The following DCDC1 variants were observed in gnomAD, a reference collection of about 807,000 sequenced individuals.
DCDC1 encodes the protein doublecortin domain-containing protein 1.
Under a neutral mutation model 178.3 loss-of-function variants are expected in DCDC1, and 200 were observed. The ratio of observed to expected loss-of-function variants is 1.12; its 90% CI spans 1.00 to 1.26. DCDC1 has a LOEUF of 1.26. Ranked by LOEUF, DCDC1 falls within the 50% of genes most tolerant of loss-of-function variation. The pLI is 0.00. For missense variants in DCDC1, 1,983 were observed against 1,749.2 expected, an observed-to-expected ratio of 1.13 and a Z score of -2.38; for synonymous variants, 690 against 604.8, an observed-to-expected ratio of 1.14 and a Z score of -2.07.
intron 9 of DCDC1, among the ~76,000 whole-genome samples, chr11:31,157,236 A>T (rs1306178834): frequency 1.3e-5 from 2 of 150,966 alleles, no homozygotes; most frequent in Non-Finnish European, 3.0e-5. Context: ...AAAAAAAATT[A>T]AAAAATGAGC....
intron 16 of DCDC1, among the ~76,000 whole-genome samples, chr11:31,091,944 T>C (rs1957846842): frequency 6.6e-6 from 1 of 152,222 alleles, no homozygotes; most frequent in South Asian, 2.1e-4. Context: ...ACTCTGGGTC[T>C]AAATATCATG....
intron 2 of DCDC1, among the ~76,000 whole-genome samples, chr11:31,329,647 G>A (rs954111629): frequency 2.0e-5 from 3 of 152,130 alleles, no homozygotes; most frequent in Non-Finnish European, 4.4e-5. Context: ...AGAAAATGCT[G>A]TGTCTGGTTT....
chr11:30,898,105 A>G (rs1358079490), intron 34 of DCDC1, among the ~76,000 whole-genome samples: 1 of 152,190 alleles, frequency 6.6e-6, no homozygotes, highest in Non-Finnish European at 1.5e-5. Flanking sequence ...GCTAAAATGT[A>G]TGAAGTGTAG....
chr11:31,093,962 A>C (rs1344035171), intron 16 of DCDC1, 88 bp downstream of exon 16: 1 of 705,516 alleles, frequency 1.4e-6, no homozygotes, highest in Non-Finnish European at 2.6e-6. Context: ...TTGTATGCCC[A>C]TGTGCATGAG....
At chr11:31,005,352 G>A (rs1951780352) in intron 20 of DCDC1, among the ~76,000 whole-genome samples, 1 of 152,118 alleles carries the variant, frequency 6.6e-6, no homozygotes. Context: ...TATGTTGCTT[G>A]CTAGATCACT....
chr11:31,046,749 C>G (rs1237251504), intron 20 of DCDC1, among the ~76,000 whole-genome samples: 1 of 151,750 alleles, frequency 6.6e-6, no homozygotes. Context: ...GATATATGAG[C>G]TCACTTAAAT....
chr11:31,265,788 TA>T (rs934544371), intron 7 of DCDC1, among the ~76,000 whole-genome samples, 188 bp from the exon 8 acceptor site: 3 of 150,746 alleles, frequency 2.0e-5, no homozygotes, highest in African/African-American at 4.8e-5. Flanking sequence ...TGCATGTGTG[TA>T]AAAAAACACG....
chr11:31,333,038 G>A (rs1439862253), intron 2 of DCDC1, among the ~76,000 whole-genome samples: 2 of 152,172 alleles, frequency 1.3e-5, no homozygotes, highest in Non-Finnish European at 2.9e-5. Context: ...ACGTCTCTAA[G>A]GACTTGCTTT....
intron 27 of DCDC1, among the ~76,000 whole-genome samples, chr11:30,912,933 C>T (rs1397627708): frequency 2.0e-5 from 3 of 152,166 alleles, no homozygotes; most frequent in Non-Finnish European, 4.4e-5. Flanking sequence ...GTGTAACCCA[C>T]GGTTCTCTAG....
rs974073233 is a variant in DCDC1 at position 30,916,626 on chromosome 11, T to C, written c.3452+244A>G. On this transcript the variant is annotated intron_variant, in intron 26 of 38. Transcript: ENST00000684477. ...AGGAGGCAAAGGTGGATAAGCATAC[T>C]GTTTAATAGAAAAAAACACACAAAT... Among the ~76,000 whole-genome samples the C allele has an allele frequency of 8.5e-4, 130 of 152,142 alleles. 2 individuals carry two copies. The highest frequency in any genetic ancestry group is 4.6e-4 in the Admixed American group (7 of 15,258).
intron 9 of DCDC1, among the ~76,000 whole-genome samples, chr11:31,163,368 A>C (rs964209512): frequency 6.6e-6 from 1 of 152,208 alleles, no homozygotes; most frequent in African/African-American, 2.4e-5. Context: ...GGAAATTAGC[A>C]GTCATGAATG....
At chr11:31,032,961 TA>T (rs531091572) in intron 20 of DCDC1, among the ~76,000 whole-genome samples, 1 of 151,710 alleles carries the variant, frequency 6.6e-6, no homozygotes, top group Non-Finnish European at 1.5e-5. Context: ...CTAATCCTTG[TA>T]AAAAAAAGAC....
At chr11:31,031,934 T>C (rs1316208144) in intron 20 of DCDC1, among the ~76,000 whole-genome samples, 1 of 152,226 alleles carries the variant, frequency 6.6e-6, no homozygotes, top group Non-Finnish European at 1.5e-5. Context: ...GACATTTTAA[T>C]ATGTTTGATA....
intron 17 of DCDC1, among the ~76,000 whole-genome samples, chr11:31,089,935 C>A (rs1215548786): frequency 6.6e-6 from 1 of 152,112 alleles, no homozygotes; most frequent in Non-Finnish European, 1.5e-5. Flanking sequence ...ATTGATTTTT[C>A]TCTTTAGTAT....
chr11:31,062,536 T>C (rs1299275836), intron 20 of DCDC1, among the ~76,000 whole-genome samples: 1 of 152,080 alleles, frequency 6.6e-6, no homozygotes, highest in East Asian at 1.9e-4. Flanking sequence ...GGAAAAAGAA[T>C]ACCTGGAACT....
intron 9 of DCDC1, among the ~76,000 whole-genome samples, chr11:31,195,305 C>T (rs541163718): frequency 1.8e-4 from 28 of 152,182 alleles, no homozygotes; most frequent in Non-Finnish European, 3.2e-4. Flanking sequence ...ATTTCACTGC[C>T]TTAAGTCTCT....
intron 9 of DCDC1, among the ~76,000 whole-genome samples, chr11:31,213,109 C>T (rs182289890): frequency 0.062 from 2,058 of 33,358 alleles, 3 homozygotes; most frequent in Non-Finnish European, 0.11. Context: ...GCCTCTCTCT[C>T]TCTCTCTCTC....
chr11:31,201,583 G>T (rs1971291623), intron 9 of DCDC1, among the ~76,000 whole-genome samples: 1 of 150,640 alleles, frequency 6.6e-6, no homozygotes, highest in African/African-American at 2.4e-5. Flanking sequence ...CCCACCTATG[G>T]TTTCTAAAAT....
chr11:31,022,682 T>TGTG (rs1555013711), intron 20 of DCDC1, among the ~76,000 whole-genome samples: 2 of 150,502 alleles, frequency 1.3e-5, no homozygotes, highest in African/African-American at 4.9e-5. Context: ...TGTGTGTGTG[T>TGTG]GTGTGGTATG....
Sources: allele counts gnomAD v4.1 joint callset (sites outside exome capture counted in the v4.1 genomes callset), GRCh38; gene constraint gnomAD v4.1.1; transcripts MANE v1.5; gene names NCBI Gene and HGNC (gene_info 2026-07-23, HGNC 2026-07-21).